The following BBX variants were observed in gnomAD, a reference collection of about 807,000 sequenced individuals.
BBX encodes BBX high mobility group box domain containing.
In BBX, 30 loss-of-function variants were observed where a neutral mutation model predicts 100.2. The observed-to-expected ratio is 0.30, with a 90% confidence interval of 0.22 to 0.41. The LOEUF (loss-of-function observed/expected upper bound fraction) is 0.41. Among genes scored for constraint, BBX ranks in the 10% least tolerant of loss-of-function variants. The pLI, the probability that BBX is intolerant of heterozygous loss-of-function variation, is 1.00. For synonymous variants in BBX, 376 were observed against 388.1 expected, an observed-to-expected ratio of 0.97 and a Z score of 0.37; for missense variants, 1,023 against 1,129.8, an observed-to-expected ratio of 0.91 and a Z score of 1.35.
intron 7 of BBX, among the ~76,000 whole-genome samples, chr3:107,740,316 A>G (rs1160377831): frequency 6.6e-6 from 1 of 151,878 alleles, no homozygotes; most frequent in African/African-American, 2.4e-5. Flanking sequence ...CTTTCAGTGA[A>G]AGCTTTAACT....
intron 2 of BBX, among the ~76,000 whole-genome samples, chr3:107,630,939 A>G (rs996662051): frequency 6.6e-6 from 1 of 152,160 alleles, no homozygotes; most frequent in East Asian, 1.9e-4. Flanking sequence ...ATTTCAGCCC[A>G]TGGGCCCCTG....
At chr3:107,563,593 A>G (rs1396200538) in intron 2 of BBX, among the ~76,000 whole-genome samples, 1 of 152,138 alleles carries the variant, frequency 6.6e-6, no homozygotes, top group African/African-American at 2.4e-5. Context: ...ACATGAATAC[A>G]TTTTTTTGTG....
At chr3:107,598,014 G>A (rs1353625417) in intron 2 of BBX, among the ~76,000 whole-genome samples, 8 of 152,102 alleles carry the variant, frequency 5.3e-5, no homozygotes, top group Non-Finnish European at 1.2e-4. Flanking sequence ...TCTCAGACAG[G>A]TCAGTTTTAG....
At chr3:107,705,388 T>C (rs1237350069) in intron 3 of BBX, among the ~76,000 whole-genome samples, 1 of 152,164 alleles carries the variant, frequency 6.6e-6, no homozygotes, top group Non-Finnish European at 1.5e-5. Flanking sequence ...CAGTGTATAC[T>C]AATGTTTTAA....
At chr3:107,753,360 T>G (rs760622148) in intron 9 of BBX, among the ~76,000 whole-genome samples, 4 of 152,086 alleles carry the variant, frequency 2.6e-5, no homozygotes, top group Non-Finnish European at 5.9e-5. Context: ...TGTTAGGAGA[T>G]CCTGGAAATG....
intron 2 of BBX, among the ~76,000 whole-genome samples, chr3:107,632,046 G>A (rs1252592207): frequency 2.0e-5 from 3 of 151,650 alleles, no homozygotes; most frequent in Non-Finnish European, 4.4e-5. Context: ...ATCCTAGTGG[G>A]AACCTCTGGT....
Position 107,716,642 on chromosome 3 carries a change from T to C in BBX, c.198T>C (p.Asp66=). The change falls in exon 5 of 18, where the codon GAT becomes GAC. Residue 66 remains aspartate (D), a synonymous_variant. Transcript: ENST00000325805. ...TTGGGGCCGATGGCCTAGAGCAAGATGTTGGTGAAACTGAAGATGATGAAT... is the reference window on the plus strand; with the variant it reads ...TTGGGGCCGATGGCCTAGAGCAAGACGTTGGTGAAACTGAAGATGATGAAT... ...QLLGADGLEQ[D]VGETEDDESP... is the part of the protein sequence containing the mutation. 6.2e-7 allele frequency: 1 copy of C among 1,613,806 alleles called. No homozygotes were observed. Among genetic ancestry groups the C allele is most frequent in the Non-Finnish European group, 8.5e-7 (1 of 1,179,770 alleles).
intron 5 of BBX, among the ~76,000 whole-genome samples, chr3:107,727,407 G>A (rs1211361628): frequency 6.6e-6 from 1 of 152,060 alleles, no homozygotes; most frequent in Non-Finnish European, 1.5e-5. Flanking sequence ...TATCACAGTT[G>A]ATACCTCCTA....
At chr3:107,539,234 T>C (rs1460759809) in intron 2 of BBX, among the ~76,000 whole-genome samples, 1 of 152,212 alleles carries the variant, frequency 6.6e-6, no homozygotes, top group South Asian at 2.1e-4. Flanking sequence ...TGTATAAAGC[T>C]GGGTTAGGAA....
chr3:107,540,055 T>C (rs189415480), intron 2 of BBX, among the ~76,000 whole-genome samples: 7 of 152,202 alleles, frequency 4.6e-5, no homozygotes, highest in African/African-American at 1.7e-4. Context: ...TTGTTCACTG[T>C]TTTATCTCCT....
chr3:107,664,468 A>G (rs2058638041), intron 3 of BBX, among the ~76,000 whole-genome samples: 1 of 152,214 alleles, frequency 6.6e-6, no homozygotes, highest in Non-Finnish European at 1.5e-5. Flanking sequence ...TAAAAATGGA[A>G]AAGATTTTTT....
At chr3:107,700,795 A>T (rs1472798756) in intron 3 of BBX, among the ~76,000 whole-genome samples, 1 of 151,702 alleles carries the variant, frequency 6.6e-6, no homozygotes, top group East Asian at 1.9e-4. Flanking sequence ...GCATAGTAGT[A>T]TTCTATGGTG....
intron 4 of BBX, among the ~76,000 whole-genome samples, chr3:107,711,969 A>G (rs78833382): frequency 0.014 from 2,156 of 152,092 alleles, 48 homozygotes; most frequent in African/African-American, 0.05. Context: ...TCCACCTCCC[A>G]GGCTCAAGCA....
intron 2 of BBX, among the ~76,000 whole-genome samples, chr3:107,586,668 C>T (rs544432028): frequency 3.9e-5 from 6 of 152,036 alleles, no homozygotes; most frequent in South Asian, 2.1e-4. Flanking sequence ...GATTTATTTT[C>T]GTTACCAAGG....
At chr3:107,697,798 C>T (rs891549825) in intron 3 of BBX, among the ~76,000 whole-genome samples, 7 of 151,858 alleles carry the variant, frequency 4.6e-5, no homozygotes, top group African/African-American at 1.2e-4. Flanking sequence ...CCCCCAGCCT[C>T]GCTGCCACCT....
chr3:107,523,270 A>C (rs1005510034), intron 1 of BBX, among the ~76,000 whole-genome samples, 163 bp downstream of exon 1: 1 of 151,832 alleles, frequency 6.6e-6, no homozygotes, highest in Non-Finnish European at 1.5e-5. Context: ...GGACTTGAGG[A>C]AGACGGAGGG....
At position 107,774,755 on chromosome 3, in the gene BBX, A is replaced by G; in HGVS notation, c.1952A>G (p.His651Arg). 8 of 1,613,518 alleles carry G rather than the reference A, an allele frequency of 5.0e-6. No homozygotes were observed. The highest frequency in any genetic ancestry group is 6.8e-6 in the Non-Finnish European group (8 of 1,179,598). Residue 651 changes from histidine to arginine, a missense_variant, in exon 12 of 18, where the codon CAT becomes CGT. By Grantham distance (29) the His-to-Arg change is conservative (BLOSUM62 0). Around this residue, in one of 9 missense-constraint regions of BBX, gnomAD observed 215 missense variants for 211.3 expected, o/e 1.02. Coordinates refer to ENST00000325805, the MANE Select transcript of BBX (RefSeq NM_001142568.3). ...TCAGGAAAAGGAAACTCCTCTGATC[A>G]TGAAGGGTGTTGGAATGAAGAAAGC... The part of the protein sequence containing the change: ...RSSGKGNSSD[H>R]EGCWNEESWT...
intron 3 of BBX, among the ~76,000 whole-genome samples, chr3:107,657,662 A>G (rs1413096118): frequency 6.6e-6 from 1 of 152,104 alleles, no homozygotes; most frequent in Non-Finnish European, 1.5e-5. Context: ...GTAAGGAGCT[A>G]CTAGTATTAC....
intron 2 of BBX, among the ~76,000 whole-genome samples, chr3:107,633,990 T>C (rs2056705989): frequency 6.6e-6 from 1 of 152,224 alleles, no homozygotes; most frequent in South Asian, 2.1e-4. Context: ...TCATCTCTTC[T>C]TGCTAGCCAG....
Sources: gnomAD v4.1 joint callset for allele counts (sites outside exome capture counted in the v4.1 genomes callset) on GRCh38, gnomAD v4.1.1 for gene constraint, gnomAD v4.1.1 regional missense constraint, MANE v1.5 for transcripts, NCBI Gene and HGNC (gene_info 2026-07-23, HGNC 2026-07-21) for gene names.